TNNI3K: variants seen among roughly 807,000 people sequenced by gnomAD.
The protein encoded by TNNI3K is TNNI3 interacting kinase.
Under a neutral mutation model 114.5 loss-of-function variants are expected in TNNI3K, and 140 were observed. That is an observed-to-expected ratio of 1.22 (90% CI 1.07 to 1.41). The LOEUF is 1.41. Among genes scored for constraint, TNNI3K ranks in the 40% most tolerant of loss-of-function variants. The probability of loss-of-function intolerance (pLI) is 0.00; values close to 1 mark genes in which losing one functional copy is unlikely to be tolerated. For synonymous variants in TNNI3K, 347 were observed against 347.5 expected (o/e 1.00, Z 0.02); for missense variants, 1,125 against 1,007.6 (o/e 1.12, Z -1.58).
At chr1:74,503,693 G>A (rs1207244956) in intron 23 of TNNI3K, among the ~76,000 whole-genome samples, 1 of 152,126 alleles carries the variant, frequency 6.6e-6, no homozygotes, top group African/African-American at 2.4e-5. Flanking sequence ...AAATATAAAA[G>A]GCAAAGGAGA....
At chr1:74,446,239 G>A (rs1666666900) in intron 20 of TNNI3K, among the ~76,000 whole-genome samples, 1 of 151,538 alleles carries the variant, frequency 6.6e-6, no homozygotes, top group Admixed American at 6.6e-5. Context: ...ATTCTAACTG[G>A]TGTGAGATGG....
At chr1:74,408,473 G>A (rs1303998966) in intron 17 of TNNI3K, among the ~76,000 whole-genome samples, 3 of 152,132 alleles carry the variant, frequency 2.0e-5, no homozygotes, top group African/African-American at 7.2e-5. Context: ...ATGTATAACA[G>A]ATAGCTAAAC....
intron 5 of TNNI3K, among the ~76,000 whole-genome samples, chr1:74,325,363 G>A (rs1450190901): frequency 6.6e-6 from 1 of 152,110 alleles, no homozygotes. Flanking sequence ...GACGGACCTG[G>A]TGATTATGTC....
intron 17 of TNNI3K, among the ~76,000 whole-genome samples, chr1:74,391,399 T>G (rs1211438471): frequency 6.6e-6 from 1 of 151,990 alleles, no homozygotes; most frequent in Admixed American, 6.6e-5. Context: ...GCAATGGATT[T>G]GGTGGGTTTT....
At chr1:74,252,783 C>T (rs1397840399) in intron 4 of TNNI3K, among the ~76,000 whole-genome samples, 1 of 152,116 alleles carries the variant, frequency 6.6e-6, no homozygotes, top group East Asian at 1.9e-4. Flanking sequence ...CAGACCTTCG[C>T]GGTGAGTGTT....
At chr1:74,491,861 A>G (rs1669094500) in intron 22 of TNNI3K, among the ~76,000 whole-genome samples, 1 of 152,214 alleles carries the variant, frequency 6.6e-6, no homozygotes, top group African/African-American at 2.4e-5. Context: ...TTTTAGAAAG[A>G]TGAGCATAAA....
intron 17 of TNNI3K, among the ~76,000 whole-genome samples, chr1:74,396,530 A>C (rs1054693641): frequency 6.6e-6 from 1 of 152,246 alleles, no homozygotes; most frequent in African/African-American, 2.4e-5. Context: ...AATGTCAATC[A>C]TGAATATTCT....
chr1:74,532,082 C>G (rs979372319), intron 23 of TNNI3K, among the ~76,000 whole-genome samples: 1 of 152,148 alleles, frequency 6.6e-6, no homozygotes, highest in Non-Finnish European at 1.5e-5. Context: ...CTCAACATAG[C>G]CCAGGCTGTG....
At chr1:74,397,112 G>C (rs1003373466) in intron 17 of TNNI3K, among the ~76,000 whole-genome samples, 2 of 152,024 alleles carry the variant, frequency 1.3e-5, no homozygotes, top group African/African-American at 2.4e-5. Context: ...GAAATGACAC[G>C]GGGGAGCCAG....
intron 5 of TNNI3K, among the ~76,000 whole-genome samples, chr1:74,279,535 A>G (rs552004750): frequency 6.6e-6 from 1 of 152,282 alleles, no homozygotes; most frequent in South Asian, 2.1e-4. Context: ...ACCCTCCCCT[A>G]AAGAGTATTA....
chr1:74,250,629 C>A, intron 3 of TNNI3K, 43 bp from the exon 4 acceptor site: 1 of 1,579,088 alleles, frequency 6.3e-7, no homozygotes, highest in South Asian at 1.1e-5. Context: ...AAACTCACCC[C>A]ATCCCCACAA....
chr1:74,352,200 G>T (rs1661390723), intron 9 of TNNI3K, among the ~76,000 whole-genome samples: 1 of 152,218 alleles, frequency 6.6e-6, no homozygotes, highest in Non-Finnish European at 1.5e-5. Flanking sequence ...AGGACCCTCA[G>T]CTGCAGGTCT....
chr1:74,433,222 C>T (rs2100657325), intron 17 of TNNI3K, among the ~76,000 whole-genome samples: 1 of 152,174 alleles, frequency 6.6e-6, no homozygotes, highest in East Asian at 1.9e-4. Flanking sequence ...CAGCTCCAAG[C>T]TCTTCTCCTT....
At chr1:74,434,073 TG>T (rs770171536) in intron 17 of TNNI3K, among the ~76,000 whole-genome samples, 3 of 151,676 alleles carry the variant, frequency 2.0e-5, no homozygotes, top group Non-Finnish European at 2.9e-5. Context: ...TTTAGTCATT[TG>T]GTAATTGCAT....
chr1:74,460,972 G>A (rs192956039), intron 20 of TNNI3K, among the ~76,000 whole-genome samples: 1 of 152,174 alleles, frequency 6.6e-6, no homozygotes, highest in Non-Finnish European at 1.5e-5. Flanking sequence ...CTGCATCAGA[G>A]TTTAACTCAT....
At chr1:74,520,483 C>A (rs1477913234) in intron 23 of TNNI3K, among the ~76,000 whole-genome samples, 3 of 152,094 alleles carry the variant, frequency 2.0e-5, no homozygotes, top group South Asian at 2.1e-4. Context: ...GCCCATCCAT[C>A]CATCTGTTTC....
chr1:74,261,226 T>A (rs1013104302), intron 4 of TNNI3K, among the ~76,000 whole-genome samples: 5 of 151,950 alleles, frequency 3.3e-5, no homozygotes, highest in African/African-American at 4.8e-5. Context: ...TAATCCCACT[T>A]ACTTTGGCTC....
At chr1:74,269,322 CTA>C (rs1656203947) in intron 4 of TNNI3K, among the ~76,000 whole-genome samples, 2 of 151,876 alleles carry the variant, frequency 1.3e-5, no homozygotes, top group Non-Finnish European at 1.5e-5. Context: ...AGCGATTTCA[CTA>C]TCTTTACTCA....
At chr1:74,464,981 A>G (rs1042299371) in intron 21 of TNNI3K, 6 of 1,208,542 alleles carry the variant, frequency 5.0e-6, no homozygotes, top group Non-Finnish European at 6.2e-6. Flanking sequence ...AGAAAATTTC[A>G]TCTTGAAAAT....
Sources: gnomAD v4.1 joint callset for allele counts (sites outside exome capture counted in the v4.1 genomes callset) on GRCh38, gnomAD v4.1.1 for gene constraint, MANE v1.5 for transcripts, NCBI Gene and HGNC (gene_info 2026-07-23, HGNC 2026-07-21) for gene names.